Variants in INPP4B observed in about 807,000 individuals in gnomAD.
INPP4B encodes inositol polyphosphate-4-phosphatase type II B, also known as inositol polyphosphate 4-phosphatase type II.
Under a neutral mutation model 122.5 loss-of-function variants are expected in INPP4B, and 55 were observed. The observed-to-expected ratio is 0.45, with a 90% CI of 0.36 to 0.56. The LOEUF is 0.56. Ranked by LOEUF, INPP4B falls within the 20% of genes least tolerant of loss-of-function variation. The pLI, the probability that INPP4B is intolerant of heterozygous loss-of-function variation, is 0.00. For missense variants in INPP4B, 1,000 were observed against 1,097.7 expected (o/e 0.91, Z 1.26); for synonymous variants, 403 against 388.7 (o/e 1.04, Z -0.43).
At chr4:142,260,285 A>G (rs1346103370) in intron 11 of INPP4B, among the ~76,000 whole-genome samples, 1 of 151,946 alleles carries the variant, frequency 6.6e-6, no homozygotes, top group Non-Finnish European at 1.5e-5. Flanking sequence ...CGCCTGGCTG[A>G]CCATATTTGT....
chr4:142,398,603 A>G (rs1248996897), intron 7 of INPP4B, among the ~76,000 whole-genome samples: 3 of 135,012 alleles, frequency 2.2e-5, no homozygotes, highest in Non-Finnish European at 4.9e-5. Flanking sequence ...TAAGAAGCCA[A>G]TTTAGAAAAT....
chr4:142,136,086 C>A (rs765395763), intron 18 of INPP4B, among the ~76,000 whole-genome samples: 3 of 152,190 alleles, frequency 2.0e-5, no homozygotes, highest in African/African-American at 7.2e-5. Context: ...TGTGAGCCAC[C>A]GTGCCCGGAG....
chr4:142,780,217 G>A (rs1185653468), intron 1 of INPP4B, among the ~76,000 whole-genome samples: 2 of 152,082 alleles, frequency 1.3e-5, no homozygotes, highest in Non-Finnish European at 1.5e-5. Context: ...ATAAAGCTAA[G>A]TATCTGTATC....
intron 24 of INPP4B, 38 bp downstream of exon 24, chr4:142,086,106 A>G (rs756562097): frequency 1.5e-5 from 19 of 1,298,994 alleles, no homozygotes; most frequent in Non-Finnish European, 1.8e-5. Context: ...GCTGGTTATG[A>G]CATGGCAGGA....
At chr4:142,628,886 A>G (rs1197632703) in intron 2 of INPP4B, among the ~76,000 whole-genome samples, 5 of 152,112 alleles carry the variant, frequency 3.3e-5, no homozygotes, top group African/African-American at 1.2e-4. Context: ...AGTATCATAG[A>G]TAACACAAAA....
At chr4:142,270,096 T>C (rs930681117) in intron 10 of INPP4B, among the ~76,000 whole-genome samples, 2 of 152,200 alleles carry the variant, frequency 1.3e-5, no homozygotes, top group African/African-American at 4.8e-5. Flanking sequence ...ATCAGGCCTT[T>C]ATTCTGTGTT....
intron 14 of INPP4B, among the ~76,000 whole-genome samples, chr4:142,195,679 C>T (rs555995742): frequency 6.6e-6 from 1 of 152,162 alleles, no homozygotes; most frequent in Admixed American, 6.5e-5. Flanking sequence ...TTCAACTTCC[C>T]CCAAAACATT....
At chr4:142,188,827 A>T (rs766272235) in intron 15 of INPP4B, among the ~76,000 whole-genome samples, 9 of 152,178 alleles carry the variant, frequency 5.9e-5, no homozygotes, top group Non-Finnish European at 1.2e-4. Flanking sequence ...GTAACTAGTG[A>T]TTAGTCTGCT....
At chr4:142,052,979 T>C (rs1414609909) in intron 25 of INPP4B, among the ~76,000 whole-genome samples, 2 of 152,034 alleles carry the variant, frequency 1.3e-5, no homozygotes, top group Non-Finnish European at 2.9e-5. Flanking sequence ...GGGGAAATGA[T>C]ACCCAAATCA....
intron 11 of INPP4B, among the ~76,000 whole-genome samples, chr4:142,245,255 G>T (rs59293893): frequency 0.034 from 5,229 of 152,154 alleles, 287 homozygotes; most frequent in African/African-American, 0.12. Context: ...TTGGTTCCCA[G>T]TGCTTTTGGT....
At chr4:142,802,185 G>A (rs1778088255) in intron 1 of INPP4B, among the ~76,000 whole-genome samples, 1 of 152,132 alleles carries the variant, frequency 6.6e-6, no homozygotes, top group African/African-American at 2.4e-5. Flanking sequence ...TGCCCCAACA[G>A]GTTTTTAATG....
chr4:142,119,848 C>G (rs917776259), intron 21 of INPP4B, among the ~76,000 whole-genome samples: 2 of 148,460 alleles, frequency 1.3e-5, no homozygotes, highest in African/African-American at 5.0e-5. Context: ...TACATATATA[C>G]GTATATATGA....
intron 1 of INPP4B, among the ~76,000 whole-genome samples, chr4:142,837,460 G>C (rs1318408081): frequency 6.6e-6 from 1 of 152,004 alleles, no homozygotes. Flanking sequence ...GTGATCTTGG[G>C]TAAGTCACTT....
chr4:142,100,958 A>G (rs1262102700), intron 23 of INPP4B, among the ~76,000 whole-genome samples: 1 of 152,122 alleles, frequency 6.6e-6, no homozygotes, highest in Non-Finnish European at 1.5e-5. Context: ...ATGATTAATA[A>G]CTTAGAAATT....
At chr4:142,490,083 C>CA (rs1553942904) in intron 2 of INPP4B, among the ~76,000 whole-genome samples, 1 of 150,350 alleles carries the variant, frequency 6.7e-6, no homozygotes, top group African/African-American at 2.4e-5. Flanking sequence ...ATTTTCTTTC[C>CA]TTTTTTTTTG....
At chr4:142,516,633 T>C (rs909032010) in intron 2 of INPP4B, among the ~76,000 whole-genome samples, 1 of 152,186 alleles carries the variant, frequency 6.6e-6, no homozygotes, top group Non-Finnish European at 1.5e-5. Flanking sequence ...CAATTTTAAG[T>C]ATGCTTTTGT....
intron 2 of INPP4B, among the ~76,000 whole-genome samples, chr4:142,548,266 A>G (rs553130496): frequency 5.3e-5 from 8 of 152,320 alleles, no homozygotes; most frequent in African/African-American, 1.7e-4. Context: ...CACAGACTCA[A>G]TGGCTAATGT....
Position 142,456,003 on chromosome 4 carries a change from GA to G in INPP4B, c.-127+6659del, listed in dbSNP as rs1490152629. On this transcript the variant is annotated intron_variant, in intron 3 of 25. Coordinates refer to ENST00000262992, the MANE Select transcript of INPP4B (RefSeq NM_001101669.3). ...TTGCCCATTTTTGATAGGATTATTA[GA>G]TTTTTTTTCTATAGAGTTGTTTCAG... 4.0e-5 allele frequency among the ~76,000 whole-genome samples: 6 copies of G among 150,882 alleles called. No homozygotes were observed. The South Asian group carries it at 1.0e-3, about 26-fold the overall frequency.
chr4:142,677,378 C>T (rs1757967409), intron 2 of INPP4B, among the ~76,000 whole-genome samples: 1 of 152,044 alleles, frequency 6.6e-6, no homozygotes, highest in East Asian at 1.9e-4. Flanking sequence ...AATAGGAACG[C>T]TTTTATACTG....
Sources: gnomAD v4.1 joint callset for allele counts (sites outside exome capture counted in the v4.1 genomes callset) on GRCh38, gnomAD v4.1.1 for gene constraint, MANE v1.5 for transcripts, NCBI Gene and HGNC (gene_info 2026-07-23, HGNC 2026-07-21) for gene names.